Variants in SGCZ observed in about 807,000 individuals in gnomAD.
SGCZ encodes zeta-sarcoglycan.
SGCZ carries 40 observed loss-of-function variants against 41.3 expected under a neutral mutation model. That is an observed-to-expected ratio of 0.97 (90% CI 0.75 to 1.26). The LOEUF (loss-of-function observed/expected upper bound fraction) is 1.26, where lower values mean the gene tolerates loss of function less well. SGCZ is among the 50% of genes most tolerant of loss of function. The pLI is 0.00. For missense variants in SGCZ, 552 were observed against 369.8 expected (o/e 1.49, Z -4.04); for synonymous variants, 206 against 137.5 (o/e 1.50, Z -3.49).
Position 14,272,328 on chromosome 8 carries a change from G to A in SGCZ, c.337-34649C>T, listed in dbSNP as rs73521382. ...CCTTAAATGAAATTTTGATAGCTGAGTTATATAAATTCCATACAGGGTGAC... is the reference window on the plus strand; with the variant it reads ...CCTTAAATGAAATTTTGATAGCTGAATTATATAAATTCCATACAGGGTGAC... On this transcript the variant is annotated intron_variant, in intron 3 of 7. Transcript: ENST00000382080. Among the ~76,000 whole-genome samples the A allele has an allele frequency of 2.3e-3, 356 of 152,272 alleles. 3 individuals are homozygous for A. Among genetic ancestry groups the A allele is most frequent in the African/African-American group, 8.0e-3 (334 of 41,562 alleles).
chr8:14,408,991 G>C (rs1158480942), intron 2 of SGCZ, among the ~76,000 whole-genome samples: 1 of 144,608 alleles, frequency 6.9e-6, no homozygotes, highest in Non-Finnish European at 1.5e-5. Context: ...GTGTGTGTGT[G>C]TGTGTATTTT....
chr8:14,313,196 G>C (rs1179715351), intron 3 of SGCZ, among the ~76,000 whole-genome samples: 5 of 152,086 alleles, frequency 3.3e-5, no homozygotes, highest in Non-Finnish European at 7.3e-5. Context: ...ATGTGACCCA[G>C]GCCCTTCAGC....
chr8:14,422,798 G>A (rs920864281), intron 2 of SGCZ, among the ~76,000 whole-genome samples: 22 of 152,178 alleles, frequency 1.4e-4, no homozygotes, highest in African/African-American at 5.3e-4. Context: ...CACTTTGGAA[G>A]GGAGGATCTC....
chr8:14,738,054 TG>T (rs1426212292), intron 1 of SGCZ, among the ~76,000 whole-genome samples: 1 of 152,100 alleles, frequency 6.6e-6, no homozygotes, highest in Non-Finnish European at 1.5e-5. Context: ...ATATAAATCC[TG>T]GCGTTCGCAC....
At position 14,696,964 on chromosome 8, in the gene SGCZ, A is replaced by C. The variant is rs373821702; in HGVS notation, c.40-142038T>G. 2.7e-3 allele frequency among the ~76,000 whole-genome samples: 175 copies of C among 64,730 alleles called. No individual in the cohort carries two copies. In the African/African-American group the frequency reaches 0.032, roughly 12 times the overall value. The allele number at this position is 64,730 out of a possible 152,430, so 42.5% of individuals were successfully genotyped here. ...TTAGGAAATCTATGTTGATAAAGTTAAAAAAAAACATAGATATTAGTTAAA... is the reference window on the plus strand; with the variant it reads ...TTAGGAAATCTATGTTGATAAAGTTCAAAAAAAACATAGATATTAGTTAAA... On this transcript the variant is annotated intron_variant, in intron 1 of 7. Transcript: ENST00000382080.
At chr8:14,999,865 C>G (rs1182125386) in intron 1 of SGCZ, among the ~76,000 whole-genome samples, 1 of 152,128 alleles carries the variant, frequency 6.6e-6, no homozygotes, top group Non-Finnish European at 1.5e-5. Context: ...GGATGAGCAT[C>G]CTGTTTTAGG....
At chr8:14,428,366 G>A (rs961115952) in intron 2 of SGCZ, among the ~76,000 whole-genome samples, 1 of 152,058 alleles carries the variant, frequency 6.6e-6, no homozygotes, top group Non-Finnish European at 1.5e-5. Context: ...CAGACGGGAT[G>A]CAAGGAGTTT....
intron 2 of SGCZ, among the ~76,000 whole-genome samples, chr8:14,479,600 T>C (rs1801465327): frequency 6.6e-6 from 1 of 152,200 alleles, no homozygotes; most frequent in East Asian, 1.9e-4. Flanking sequence ...ATTTTCTTGC[T>C]GCTGCTTCTG....
intron 1 of SGCZ, among the ~76,000 whole-genome samples, chr8:14,844,987 G>A (rs1279279936): frequency 6.6e-6 from 1 of 152,150 alleles, no homozygotes; most frequent in African/African-American, 2.4e-5. Flanking sequence ...TGAGAGTTTA[G>A]GTGGAAAAGG....
At chr8:14,990,309 T>C (rs1801964412) in intron 1 of SGCZ, among the ~76,000 whole-genome samples, 1 of 152,158 alleles carries the variant, frequency 6.6e-6, no homozygotes, top group African/African-American at 2.4e-5. Flanking sequence ...AAAAAGTCCC[T>C]TGAGGCCAGG....
chr8:14,714,092 C>T (rs1196443981), intron 1 of SGCZ, among the ~76,000 whole-genome samples: 1 of 151,964 alleles, frequency 6.6e-6, no homozygotes, highest in Non-Finnish European at 1.5e-5. Context: ...CTCAGCCTCC[C>T]GAGTACCTGG....
chr8:14,812,881 T>G, intron 1 of SGCZ, among the ~76,000 whole-genome samples: 1 of 152,168 alleles, frequency 6.6e-6, no homozygotes, highest in East Asian at 1.9e-4. Context: ...CTTCTGACAC[T>G]AATGCTGAGA....
chr8:14,563,716 A>G (rs1160947684), intron 1 of SGCZ, among the ~76,000 whole-genome samples: 2 of 152,206 alleles, frequency 1.3e-5, no homozygotes, highest in Admixed American at 1.3e-4. Context: ...AAGAAGACAA[A>G]AAGAACTCTC....
chr8:14,935,865 T>C (rs1393606050), intron 1 of SGCZ, among the ~76,000 whole-genome samples: 1 of 151,432 alleles, frequency 6.6e-6, no homozygotes, highest in Non-Finnish European at 1.5e-5. Flanking sequence ...GAACTCAAAG[T>C]ATGGAAGAAA....
At chr8:14,907,203 A>G (rs531485354) in intron 1 of SGCZ, among the ~76,000 whole-genome samples, 1 of 152,096 alleles carries the variant, frequency 6.6e-6, no homozygotes, top group Admixed American at 6.6e-5. Flanking sequence ...GTTACCCATT[A>G]TTATTTTTTG....
intron 1 of SGCZ, among the ~76,000 whole-genome samples, chr8:14,693,245 C>T (rs1808855529): frequency 6.6e-6 from 1 of 151,708 alleles, no homozygotes; most frequent in South Asian, 2.1e-4. Context: ...TAATAATTTC[C>T]ATTCCTCAAT....
intron 1 of SGCZ, among the ~76,000 whole-genome samples, chr8:14,814,128 A>AAGCAAAGT (rs1344056976): frequency 6.6e-6 from 1 of 152,192 alleles, no homozygotes; most frequent in African/African-American, 2.4e-5. Context: ...ATATAGGAAA[A>AAGCAAAGT]AGCATTTTAC....
At chr8:14,414,929 TTAAAA>T (rs1276094179) in intron 2 of SGCZ, among the ~76,000 whole-genome samples, 1 of 152,024 alleles carries the variant, frequency 6.6e-6, no homozygotes, top group Non-Finnish European at 1.5e-5. Flanking sequence ...GATTAGATAC[TTAAAA>T]TTAGGAAGGC....
rs554009358 is a variant in SGCZ, at chr8:14,847,215, T to G, written c.40-292289A>C. On this transcript the variant is annotated intron_variant, in intron 1 of 7. Transcript: ENST00000382080. ...AAAATACCAATTCTACAAAAACTTT[T>G]CAAGACATTAAAAGAGGAAAGTCCT... Among the ~76,000 whole-genome samples, 5 of 151,224 alleles carry G rather than the reference T, an allele frequency of 3.3e-5. No homozygotes were observed. In the South Asian group the frequency reaches 1.1e-3, roughly 32 times the overall value.
Sources: allele counts gnomAD v4.1 joint callset (sites outside exome capture counted in the v4.1 genomes callset), GRCh38; gene constraint gnomAD v4.1.1; transcripts MANE v1.5; gene names NCBI Gene and HGNC (gene_info 2026-07-23, HGNC 2026-07-21).